IFITM10: variants seen among roughly 807,000 people sequenced by gnomAD.
The protein encoded by IFITM10 is interferon-induced transmembrane protein 10.
IFITM10 carries 17 observed loss-of-function variants against 19.0 expected under a neutral mutation model. That is an observed-to-expected ratio of 0.90 (90% CI 0.61 to 1.34). The LOEUF (loss-of-function observed/expected upper bound fraction) is 1.34. Among genes scored for constraint, IFITM10 ranks in the 40% most tolerant of loss-of-function variants. IFITM10 has a pLI of 0.00. For missense variants in IFITM10, 306 were observed against 319.8 expected, an observed-to-expected ratio of 0.96 and a Z score of 0.33; for synonymous variants, 148 against 147.2, an observed-to-expected ratio of 1.01 and a Z score of -0.04.
rs1845706359 is a variant in IFITM10, at chr11:1,750,586, AC to A, written c.-145del. On this transcript the variant is annotated 5_prime_UTR_variant, in exon 1 of 3. Coordinates refer to ENST00000340134, the MANE Select transcript of IFITM10 (RefSeq NM_001170820.4). ...TCTGCCTGCCTGTGCCTGACTCTGAACCCTTTCTCTCCCCAAACCTCTGTTC... is the reference window on the plus strand; with the variant it reads ...TCTGCCTGCCTGTGCCTGACTCTGAACCTTTCTCTCCCCAAACCTCTGTTC... 1.9e-6 allele frequency: 2 copies of A among 1,048,744 alleles called. No homozygotes were observed. Among genetic ancestry groups the A allele is most frequent in the African/African-American group, 1.6e-5 (1 of 62,538 alleles). 65.0% of individuals were successfully genotyped at this position (1,048,744 alleles called of 1,614,324 possible).
chr11:1,737,909 T>A (rs1358087622), intron 2 of IFITM10, among the ~76,000 whole-genome samples: 1 of 152,132 alleles, frequency 6.6e-6, no homozygotes, highest in Non-Finnish European at 1.5e-5. Context: ...GAGTGAGGAA[T>A]AACGTGGCAG....
intron 2 of IFITM10, among the ~76,000 whole-genome samples, chr11:1,743,561 G>A (rs968307259): frequency 2.6e-5 from 4 of 152,144 alleles, no homozygotes; most frequent in Admixed American, 2.0e-4. Flanking sequence ...AAAGATAAAT[G>A]TGTGATGCTG....
intron 2 of IFITM10, among the ~76,000 whole-genome samples, chr11:1,741,283 C>T (rs568743967): frequency 1.4e-4 from 22 of 151,870 alleles, no homozygotes; most frequent in East Asian, 7.8e-4. Flanking sequence ...AATTAGGAAA[C>T]GGGCCCGAGA....
In IFITM10 at chr11:1,750,493, T is replaced by C; in HGVS notation, c.-51A>G. ...GAAACTCCTTTCTCCTCTGCCACTC[T>C]CAACTGGCCTCCTGTGTCTCCGCAA... On this transcript the variant is annotated 5_prime_UTR_variant, in exon 1 of 3. Transcript: ENST00000340134. 9 of 1,548,386 alleles carry C rather than the reference T, an allele frequency of 5.8e-6. No individual in the cohort carries two copies. In the South Asian group the frequency reaches 6.0e-5, roughly 10 times the overall value.
chr11:1,742,771 T>C (rs944671089), intron 2 of IFITM10, among the ~76,000 whole-genome samples: 1 of 152,194 alleles, frequency 6.6e-6, no homozygotes, highest in Non-Finnish European at 1.5e-5. Context: ...TGAATGATCA[T>C]GTGTGAACAC....
In IFITM10 at chr11:1,747,806, G is replaced by A. The variant is rs1244448347; in HGVS notation, c.398C>T (p.Thr133Met). The change falls in exon 2 of 3, where the codon ACG becomes ATG. Residue 133 changes from threonine to methionine, a missense_variant. Physicochemically the swap from Thr to Met is moderately conservative, Grantham distance 81. Coordinates refer to ENST00000340134, the MANE Select transcript of IFITM10 (RefSeq NM_001170820.4). ...GATGACGGTCGTGGGGTTGGTCATC[G>A]TCTTCTTCTCGGCTAGGTGCTTGCA... ...PACKHLAEKKTMTNPTTVIEV... is the reference protein window; with the variant it reads ...PACKHLAEKKMMTNPTTVIEV... 6.8e-5 allele frequency: 106 copies of A among 1,550,590 alleles called. No individual in the cohort carries two copies. Among genetic ancestry groups the A allele is most frequent in the Non-Finnish European group, 8.0e-5 (92 of 1,146,258 alleles).
In IFITM10 at chr11:1,747,766, G is replaced by T. The variant is rs1168388493; in HGVS notation, c.438C>A (p.Asp146Glu). The change falls in exon 2 of 3, where the codon GAC becomes GAA. Residue 146 changes from aspartate (D) to glutamate (E), a missense_variant. Asp to Glu is a conservative substitution (Grantham distance 45). Transcript: ENST00000340134. ...NPTTVIEVYPDTTEVNDYYLW... is the reference protein window; with the variant it reads ...NPTTVIEVYPETTEVNDYYLW... Reference sequence around the variant, plus strand: ...GGTAATAGTCGTTCACCTCGGTGGTGTCCGGGTAGACCTCGATGACGGTCG... The same window carrying T: ...GGTAATAGTCGTTCACCTCGGTGGTTTCCGGGTAGACCTCGATGACGGTCG... The T allele has an allele frequency of 7.7e-6, 12 of 1,551,852 alleles. No individual in the cohort carries two copies. Among genetic ancestry groups the T allele is most frequent in the Non-Finnish European group, 1.0e-5 (12 of 1,146,982 alleles).
intron 2 of IFITM10, among the ~76,000 whole-genome samples, chr11:1,736,362 G>A (rs535178220): frequency 6.6e-6 from 1 of 152,296 alleles, no homozygotes; most frequent in South Asian, 2.1e-4. Context: ...TAGATGTGTG[G>A]TCAGGGTGAT....
intron 2 of IFITM10, among the ~76,000 whole-genome samples, chr11:1,741,858 C>G (rs551971516): frequency 2.0e-5 from 3 of 152,070 alleles, no homozygotes; most frequent in Non-Finnish European, 2.9e-5. Flanking sequence ...TTAGGTCATG[C>G]GTGGGATTGG....
chr11:1,734,415 G>A lies in IFITM10; in HGVS notation c.*865C>T, dbSNP rs935664052. On this transcript the variant is annotated 3_prime_UTR_variant, in exon 3 of 3. Transcript: ENST00000340134. ...GAGATGGGCACGAGAGAGGTAAAGG[G>A]GCCTGTCCAGGTCCCAGAGCCCTCC... is the stretch of plus-strand genomic sequence containing the variant. 6.6e-6 allele frequency: 1 copy of A among 152,238 alleles called. No individual in the cohort carries two copies. Among genetic ancestry groups the A allele is most frequent in the Admixed American group, 6.5e-5 (1 of 15,286 alleles). The allele number at this position is 152,238 out of a possible 1,614,324, so 9.4% of individuals were successfully genotyped here.
In IFITM10 at chr11:1,748,127, G is replaced by C. The variant is rs901720632; in HGVS notation, c.85-8C>G. The C allele has an allele frequency of 7.4e-7, 1 of 1,357,322 alleles. No individual in the cohort carries two copies. Among genetic ancestry groups the C allele is most frequent in the Non-Finnish European group, 9.4e-7 (1 of 1,062,502 alleles). The allele number at this position is 1,357,322 out of a possible 1,614,324, so 84.1% of individuals were successfully genotyped here. On this transcript the variant is annotated splice_region_variant and splice_polypyrimidine_tract_variant and intron_variant, in intron 1 of 2. Transcript: ENST00000340134. The stretch of plus-strand genomic sequence containing the variant: ...CTGGCCGGGGCCCTGGGCCTGGAGA[G>C]GAGAAAGTGAGAGCAAGCTGGGCCC...
At chr11:1,750,260 T>A (rs1845701896) in intron 1 of IFITM10, 99 bp downstream of exon 1, 3 of 1,542,668 alleles carry the variant, frequency 1.9e-6, no homozygotes, top group South Asian at 1.2e-5. Flanking sequence ...ACAGTCCCCA[T>A]GAGTTCCTCC....
chr11:1,743,795 C>T (rs1845601070), intron 2 of IFITM10, among the ~76,000 whole-genome samples: 1 of 152,112 alleles, frequency 6.6e-6, no homozygotes, highest in Non-Finnish European at 1.5e-5. Context: ...GGGACTTGAA[C>T]CTTCTGCCTC....
At chr11:1,749,844 GC>G (rs1202392444) in intron 1 of IFITM10, among the ~76,000 whole-genome samples, 4 of 151,974 alleles carry the variant, frequency 2.6e-5, no homozygotes, top group Admixed American at 2.0e-4. Context: ...GCCCACTCCT[GC>G]CCATCGGAGC....
In IFITM10 at chr11:1,749,250, A is replaced by G. The variant is rs554873963; in HGVS notation, c.84+1109T>C. On this transcript the variant is annotated intron_variant, in intron 1 of 2. Transcript: ENST00000340134. Reference sequence around the variant, plus strand: ...AGCCCAGAGCCTGACTCACGGCGGCAGCGGGCACAGCCACCTCCCCGCCTC... The same window carrying G: ...AGCCCAGAGCCTGACTCACGGCGGCGGCGGGCACAGCCACCTCCCCGCCTC... The G allele has an allele frequency of 6.2e-3, 1,562 of 253,246 alleles. 27 individuals are homozygous for G. The highest frequency in any genetic ancestry group is 0.035 in the African/African-American group (1,505 of 43,322). The allele number at this position is 253,246 out of a possible 1,614,324, so 15.7% of individuals were successfully genotyped here. A position where few individuals can be genotyped will look rare whatever the true frequency, so the allele number is the denominator to read the frequency against.
intron 2 of IFITM10, among the ~76,000 whole-genome samples, chr11:1,740,299 C>CAAAAAAAAAAAA (rs58480346): frequency 4.9e-5 from 2 of 41,020 alleles, no homozygotes; most frequent in Admixed American, 3.1e-4. Flanking sequence ...GACTCCATCT[C>CAAAAAAAAAAAA]AAAAAAAAAA....
intron 1 of IFITM10, chr11:1,748,800 T>C (rs916249092): frequency 2.6e-5 from 4 of 154,268 alleles, no homozygotes; most frequent in African/African-American, 9.6e-5. Context: ...GCGCGCACAC[T>C]TGCCCGGAGC....
At chr11:1,738,688 G>A (rs1456275200) in intron 2 of IFITM10, among the ~76,000 whole-genome samples, 1 of 152,176 alleles carries the variant, frequency 6.6e-6, no homozygotes, top group Non-Finnish European at 1.5e-5. Flanking sequence ...CAGAGAAGGT[G>A]ATGAGACAGA....
At chr11:1,750,286 C>G in intron 1 of IFITM10, 73 bp downstream of exon 1, 2 of 1,549,742 alleles carry the variant, frequency 1.3e-6, no homozygotes, top group Non-Finnish European at 1.7e-6. Flanking sequence ...GAGAAAACTC[C>G]AGCCTTCCCT....
Sources: allele counts gnomAD v4.1 joint callset (sites outside exome capture counted in the v4.1 genomes callset), GRCh38; gene constraint gnomAD v4.1.1; transcripts MANE v1.5; gene names NCBI Gene and HGNC (gene_info 2026-07-23, HGNC 2026-07-21).